Variants in PCSK5 observed in about 807,000 individuals in gnomAD.
The protein encoded by PCSK5 is prohormone convertase 5.
PCSK5 carries 129 observed loss-of-function variants against 233.2 expected under a neutral mutation model. That is an observed-to-expected ratio of 0.55 (90% CI 0.48 to 0.64). PCSK5 has a LOEUF of 0.64. Ranked by LOEUF, PCSK5 falls within the 30% of genes least tolerant of loss-of-function variation. The pLI, the probability that PCSK5 is intolerant of heterozygous loss-of-function variation, is 0.00. For synonymous variants in PCSK5, 825 were observed against 879.2 expected (o/e 0.94, Z 1.09); for missense variants, 2,076 against 2,430.1 (o/e 0.85, Z 3.06).
At chr9:76,114,351 A>G (rs762834055) in intron 9 of PCSK5, among the ~76,000 whole-genome samples, 8 of 152,162 alleles carry the variant, frequency 5.3e-5, no homozygotes, top group Non-Finnish European at 1.2e-4. Context: ...ACTGTGCATG[A>G]AAATAGCTTT....
chr9:76,342,410 A>C (rs1407157614), intron 35 of PCSK5, among the ~76,000 whole-genome samples: 2 of 152,080 alleles, frequency 1.3e-5, no homozygotes, highest in South Asian at 4.1e-4. Context: ...AAAATGATTC[A>C]TCTTGAGGCA....
chr9:76,200,992 G>A (rs534948283), intron 20 of PCSK5, among the ~76,000 whole-genome samples: 9 of 152,266 alleles, frequency 5.9e-5, no homozygotes, highest in Middle Eastern at 3.4e-3. Context: ...ATGCTGAGGC[G>A]GCCAGATTTG....
intron 22 of PCSK5, among the ~76,000 whole-genome samples, chr9:76,238,136 C>T (rs1826309042): frequency 1.3e-5 from 2 of 152,200 alleles, no homozygotes; most frequent in African/African-American, 4.8e-5. Flanking sequence ...CCCGAGCACA[C>T]TCAGCACAAA....
Position 75,932,501 on chromosome 9 carries a change from C to T in PCSK5, c.297+18C>T, listed in dbSNP as rs577633262. Reference sequence around the variant, plus strand: ...AACCAAAGGTAAGAAGAACCAGTTGCGTGGGGACCAAGAGGCAAAGCTTCT... The same window carrying T: ...AACCAAAGGTAAGAAGAACCAGTTGTGTGGGGACCAAGAGGCAAAGCTTCT... On this transcript the variant is annotated intron_variant, in intron 2 of 37. Coordinates refer to ENST00000674117, the MANE Select transcript of PCSK5 (RefSeq NM_001372043.1). The T allele has an allele frequency of 4.9e-5, 70 of 1,434,942 alleles. 1 individual carries two copies. In the East Asian group the frequency reaches 6.4e-4, roughly 13 times the overall value. The allele number at this position is 1,434,942 out of a possible 1,614,324, so 88.9% of individuals were successfully genotyped here. A position where few individuals can be genotyped will look rare whatever the true frequency, so the allele number is the denominator to read the frequency against.
intron 3 of PCSK5, among the ~76,000 whole-genome samples, chr9:76,012,675 A>C (rs1291713791): frequency 6.6e-6 from 1 of 152,216 alleles, no homozygotes; most frequent in African/African-American, 2.4e-5. Context: ...CATAACGATG[A>C]GTTATACCTG....
At chr9:75,898,515 G>A (rs1825900413) in intron 1 of PCSK5, among the ~76,000 whole-genome samples, 1 of 152,196 alleles carries the variant, frequency 6.6e-6, no homozygotes, top group Non-Finnish European at 1.5e-5. Context: ...GAGGGTAGCA[G>A]TATTTTGATG....
At chr9:76,061,590 T>C (rs1420501952) in intron 5 of PCSK5, among the ~76,000 whole-genome samples, 2 of 152,158 alleles carry the variant, frequency 1.3e-5, no homozygotes, top group Admixed American at 1.3e-4. Flanking sequence ...AGTTAATAAT[T>C]GCTAGATTTG....
intron 7 of PCSK5, among the ~76,000 whole-genome samples, chr9:76,072,361 C>A (rs1830510798): frequency 6.6e-6 from 1 of 152,146 alleles, no homozygotes; most frequent in Non-Finnish European, 1.5e-5. Context: ...ATCGCTACAA[C>A]CAAGTAGCTT....
At chr9:76,278,197 AC>A (rs1234776696) in intron 24 of PCSK5, among the ~76,000 whole-genome samples, 2 of 152,146 alleles carry the variant, frequency 1.3e-5, no homozygotes, top group East Asian at 3.8e-4. Flanking sequence ...GCCAAGAATA[AC>A]CCCATCTCGT....
At chr9:76,191,487 T>TCCCTACAAAGAATCTCAA (rs977738184) in intron 20 of PCSK5, among the ~76,000 whole-genome samples, 1 of 152,100 alleles carries the variant, frequency 6.6e-6, no homozygotes, top group Admixed American at 6.6e-5. Context: ...ATTCCACAAC[T>TCCCTACAAAGAATCTCAA]CCCTACAAAG....
At position 76,358,569 on chromosome 9, in the gene PCSK5, G is replaced by C. The variant is rs1830360466; in HGVS notation, c.5311G>C (p.Ala1771Pro). 6.2e-7 allele frequency: 1 copy of C among 1,612,672 alleles called. No individual in the cohort carries two copies. Among genetic ancestry groups the C allele is most frequent in the African/African-American group, 1.3e-5 (1 of 74,896 alleles). The change falls in exon 38 of 38, where the codon GCT (alanine) becomes CCT (proline). Residue 1771 changes from alanine to proline, a missense_variant. Ala to Pro is a conservative substitution (Grantham distance 27, BLOSUM62 -1). Around this residue, in one of 6 missense-constraint regions of PCSK5, gnomAD observed 1,510 missense variants for 1,538.1 expected, o/e 0.98. Coordinates refer to ENST00000674117, the MANE Select transcript of PCSK5 (RefSeq NM_001372043.1). Reference protein sequence around the residue: ...VRPATEHFKTALFITSSMMLV... With the variant: ...VRPATEHFKTPLFITSSMMLV... ...GCCTGCAACTGAGCATTTCAAGACA[G>C]CTCTGTTCATCACCTCCTCCATGAT... is the stretch of plus-strand genomic sequence containing the variant.
At position 76,189,209 on chromosome 9, in the gene PCSK5, C is replaced by T. The variant is rs767821368; in HGVS notation, c.2496C>T (p.Tyr832=). 3.5e-5 allele frequency: 57 copies of T among 1,612,468 alleles called. No individual in the cohort carries two copies. The highest frequency in any genetic ancestry group is 4.7e-5 in the Non-Finnish European group (55 of 1,179,668). The change falls in exon 19 of 38, where the codon TAC becomes TAT. Residue 832 remains tyrosine (Y), a synonymous_variant. Coordinates refer to ENST00000674117, the MANE Select transcript of PCSK5 (RefSeq NM_001372043.1). ...YYFDHSSENG[Y]KSCKKCDISC... ...TTGACCACTCTTCAGAGAATGGATA[C>T]AAATCCTGCAAAAAGTAAGTGGATC...
At chr9:75,899,994 T>C (rs144434688) in intron 1 of PCSK5, among the ~76,000 whole-genome samples, 20 of 152,270 alleles carry the variant, frequency 1.3e-4, no homozygotes, top group African/African-American at 4.8e-4. Flanking sequence ...CTTCCAGTGC[T>C]CTTAGCACCA....
intron 8 of PCSK5, among the ~76,000 whole-genome samples, chr9:76,103,876 G>A (rs1831869557): frequency 6.6e-6 from 1 of 152,152 alleles, no homozygotes; most frequent in Non-Finnish European, 1.5e-5. Flanking sequence ...GGGATTTGGA[G>A]CATGCAAGAT....
At chr9:76,221,719 GC>G (rs1825732435) in intron 20 of PCSK5, among the ~76,000 whole-genome samples, 1 of 152,214 alleles carries the variant, frequency 6.6e-6, no homozygotes, top group African/African-American at 2.4e-5. Flanking sequence ...TCTTAATTCT[GC>G]CCTTTGAACA....
intron 28 of PCSK5, 68 bp from the exon 29 acceptor site, chr9:76,308,577 T>C (rs1828773148): frequency 2.3e-6 from 2 of 880,756 alleles, no homozygotes; most frequent in African/African-American, 1.6e-5. Flanking sequence ...ATGAGATCTT[T>C]TTCAGTACTG....
chr9:76,246,250 G>A (rs528109000), intron 24 of PCSK5, among the ~76,000 whole-genome samples: 2 of 148,966 alleles, frequency 1.3e-5, no homozygotes, highest in African/African-American at 4.9e-5. Context: ...GCTGAGGCAG[G>A]AGAATCGCTT....
At chr9:76,220,562 T>G (rs909127185) in intron 20 of PCSK5, among the ~76,000 whole-genome samples, 2 of 150,748 alleles carry the variant, frequency 1.3e-5, no homozygotes, top group Non-Finnish European at 3.0e-5. Flanking sequence ...ACTCAGGTCT[T>G]TTACCTCCAT....
chr9:75,899,225 A>T (rs1383418766), intron 1 of PCSK5, among the ~76,000 whole-genome samples: 1 of 152,068 alleles, frequency 6.6e-6, no homozygotes, highest in East Asian at 1.9e-4. Flanking sequence ...AGTCTGCAGG[A>T]TCATTTTGAG....
Sources: allele counts gnomAD v4.1 joint callset (sites outside exome capture counted in the v4.1 genomes callset), GRCh38; gene constraint gnomAD v4.1.1; regional missense constraint gnomAD v4.1.1; transcripts MANE v1.5; gene names NCBI Gene and HGNC (gene_info 2026-07-23, HGNC 2026-07-21).